CSF1R: variants seen among roughly 807,000 people sequenced by gnomAD.
The protein encoded by CSF1R is colony stimulating factor 1 receptor, also known as macrophage colony-stimulating factor 1 receptor.
Under a neutral mutation model 110.0 loss-of-function variants are expected in CSF1R, and 40 were observed. The observed-to-expected ratio is 0.36, with a 90% CI of 0.28 to 0.47. The LOEUF (loss-of-function observed/expected upper bound fraction) is 0.47, where lower values mean the gene tolerates loss of function less well. Among genes scored for constraint, CSF1R ranks in the 20% least tolerant of loss-of-function variants. The pLI is 0.99. For missense variants in CSF1R, 1,052 were observed against 1,253.0 expected (o/e 0.84, Z 2.42); for synonymous variants, 523 against 503.4 (o/e 1.04, Z -0.52).
At chr5:150,078,382 A>G in intron 3 of CSF1R, 134 bp from the exon 4 acceptor site, 1 of 1,139,030 alleles carries the variant, frequency 8.8e-7, no homozygotes, top group Admixed American at 2.6e-5. Flanking sequence ...CCTGGGAGGC[A>G]GCCTTGATGC....
At chr5:150,112,292 A>G (rs753020456) in intron 1 of CSF1R, among the ~76,000 whole-genome samples, 2 of 152,270 alleles carry the variant, frequency 1.3e-5, no homozygotes, top group Non-Finnish European at 2.9e-5. Context: ...AACATGGGAT[A>G]ATAGTAGGAC....
chr5:150,097,552 G>T (rs1759269717), intron 1 of CSF1R, among the ~76,000 whole-genome samples: 1 of 152,084 alleles, frequency 6.6e-6, no homozygotes, highest in South Asian at 2.1e-4. Context: ...CTACAAAAAA[G>T]TTACTAGAAC....
chr5:150,078,725 C>T (rs765344746), intron 3 of CSF1R, among the ~76,000 whole-genome samples: 5 of 152,176 alleles, frequency 3.3e-5, no homozygotes, highest in Admixed American at 6.5e-5. Flanking sequence ...CACTGCAGCC[C>T]GCTGGACCTC....
At chr5:150,064,547 G>A (rs562772728) in intron 10 of CSF1R, among the ~76,000 whole-genome samples, 102 of 152,310 alleles carry the variant, frequency 6.7e-4, no homozygotes, top group African/African-American at 2.2e-3. Flanking sequence ...AATCCTGCCC[G>A]TGGGTGCCTT....
At chr5:150,098,542 A>G (rs1313178912) in intron 1 of CSF1R, 4 of 152,280 alleles carry the variant, frequency 2.6e-5, no homozygotes, top group African/African-American at 9.6e-5. Flanking sequence ...ATCAACATTT[A>G]AAACTTCTAC....
At position 150,073,363 on chromosome 5, in the gene CSF1R, T is replaced by A. The variant is rs200702893; in HGVS notation, c.1020A>T (p.Gly340=). The change falls in exon 6 of 21, where the codon GGA becomes GGT. Residue 340 remains glycine, a synonymous_variant. Transcript: ENST00000675795. ...GCTCAGGCTGGTGGTCAGAAAAGGG[T>A]CCCAGGTAGGTCCAGTTAAAACCTT... is the stretch of plus-strand genomic sequence containing the variant. ...GLQGFNWTYL[G]PFSDHQPEPK... The A allele has an allele frequency of 5.0e-6, 8 of 1,613,924 alleles. No individual in the cohort carries two copies. In the Admixed American group the frequency reaches 8.3e-5, roughly 17 times the overall value.
At position 150,105,380 on chromosome 5, in the gene CSF1R, ATATATTTTT is replaced by A. The variant is rs1759523200; in HGVS notation, c.-181+7872_-181+7880del. On this transcript the variant is annotated intron_variant, in intron 1 of 21. Transcript: ENST00000286301. Reference sequence around the variant, plus strand: ...AAAAAAAAAATATATATATATATATATATATTTTTTTTTTTTTAATAGAGGCGGGGTTAC... The same window carrying A: ...AAAAAAAAAATATATATATATATATATTTTTTTTAATAGAGGCGGGGTTAC... Among the ~76,000 whole-genome samples, 3 of 85,844 alleles carry A rather than the reference ATATATTTTT, an allele frequency of 3.5e-5. No individual in the cohort carries two copies. The Admixed American group carries it at 4.2e-4, about 12-fold the overall frequency. 56.3% of individuals were successfully genotyped at this position (85,844 alleles called of 152,430 possible).
At chr5:150,112,948 G>A (rs1038418678) in intron 1 of CSF1R, among the ~76,000 whole-genome samples, 14 of 152,176 alleles carry the variant, frequency 9.2e-5, no homozygotes, top group Admixed American at 3.9e-4. Flanking sequence ...GCAAGGGAGG[G>A]GCTAAGGACA....
At chr5:150,056,166 G>T (rs772300724) in intron 17 of CSF1R, 29 bp from the exon 18 acceptor site, 5 of 1,614,100 alleles carry the variant, frequency 3.1e-6, no homozygotes, top group Middle Eastern at 1.6e-4. Context: ...GTTATTTTGG[G>T]CCCCGACTCT....
intron 1 of CSF1R, among the ~76,000 whole-genome samples, chr5:150,100,810 A>C (rs921008684): frequency 6.6e-6 from 1 of 152,230 alleles, no homozygotes; most frequent in African/African-American, 2.4e-5. Flanking sequence ...AACTGGAAAA[A>C]AAAATGAAAT....
intron 13 of CSF1R, among the ~76,000 whole-genome samples, chr5:150,060,311 A>C (rs1409538237): frequency 6.6e-6 from 1 of 150,450 alleles, no homozygotes; most frequent in Non-Finnish European, 1.5e-5. Context: ...TGGGTGACAG[A>C]GTGAGGCTCC....
At position 150,078,178 on chromosome 5, in the gene CSF1R, C is replaced by T. The variant is rs1395457633; in HGVS notation, c.663G>A (p.Gln221=). The part of the protein sequence containing the change: ...ELVRIRGEAA[Q]IVCSASSVDV... ...CAACGCTGCTGGCTGAGCACACGAT[C>T]TGGGCAGCCTCCCCTCGAATCCGCA... The change falls in exon 4 of 21, where the codon CAG becomes CAA. Residue 221 remains glutamine, a synonymous_variant. Coordinates refer to ENST00000675795, the MANE Select transcript of CSF1R (RefSeq NM_001288705.3). The T allele has an allele frequency of 3.0e-5, 49 of 1,614,158 alleles. No homozygotes were observed. The highest frequency in any genetic ancestry group is 3.7e-5 in the Non-Finnish European group (44 of 1,180,012).
chr5:150,061,893 C>G, intron 10 of CSF1R, 44 bp from the exon 11 acceptor site: 1 of 1,612,460 alleles, frequency 6.2e-7, no homozygotes, highest in South Asian at 1.1e-5. Flanking sequence ...GGCTGGCAGG[C>G]AGTTCCTGGA....
chr5:150,062,178 T>TTTTAAG (rs1554102113), intron 10 of CSF1R, among the ~76,000 whole-genome samples: 1 of 148,176 alleles, frequency 6.7e-6, no homozygotes, highest in African/African-American at 2.5e-5. Flanking sequence ...GGGTGGAACT[T>TTTTAAG]GAGATCTTAT....
chr5:150,081,538 G>A (rs73275671), intron 1 of CSF1R, among the ~76,000 whole-genome samples: 5,241 of 152,214 alleles, frequency 0.034, 289 homozygotes, highest in African/African-American at 0.11. Flanking sequence ...TGGTGTGCCC[G>A]CTCCCACCAA....
At chr5:150,104,147 C>T (rs748948674) in intron 1 of CSF1R, among the ~76,000 whole-genome samples, 68 of 152,194 alleles carry the variant, frequency 4.5e-4, no homozygotes, top group Non-Finnish European at 7.8e-4. Flanking sequence ...ACCCCTAACA[C>T]GGATGCAAAG....
chr5:150,058,264 A>G (rs1218958176), intron 14 of CSF1R: 1 of 456,324 alleles, frequency 2.2e-6, no homozygotes, highest in Non-Finnish European at 4.4e-6. Flanking sequence ...ACAGTCCTCA[A>G]GAGATGCCTA....
At chr5:150,058,546 C>T (rs1757356918) in intron 14 of CSF1R, among the ~76,000 whole-genome samples, 1 of 152,220 alleles carries the variant, frequency 6.6e-6, no homozygotes, top group African/African-American at 2.4e-5. Flanking sequence ...ATTACCCACT[C>T]TGGGAATACT....
chr5:150,086,768 T>C (rs1444411339), upstream of CSF1R, among the ~76,000 whole-genome samples: 2 of 152,134 alleles, frequency 1.3e-5, no homozygotes, highest in South Asian at 2.1e-4. Flanking sequence ...TCAAGGGGTC[T>C]TGGGAGAAGA....
Sources: gnomAD v4.1 joint callset for allele counts (sites outside exome capture counted in the v4.1 genomes callset) on GRCh38, gnomAD v4.1.1 for gene constraint, MANE v1.5 for transcripts, NCBI Gene and HGNC (gene_info 2026-07-23, HGNC 2026-07-21) for gene names.